BICD1: variants seen among roughly 807,000 people sequenced by gnomAD.
BICD1 encodes the protein BICD cargo adaptor 1.
BICD1 carries 35 observed loss-of-function variants against 92.5 expected under a neutral mutation model. The observed-to-expected ratio is 0.38, with a 90% CI of 0.29 to 0.50. The LOEUF (loss-of-function observed/expected upper bound fraction) is 0.50, where lower values mean the gene tolerates loss of function less well. BICD1 is among the 20% of genes least tolerant of loss of function. BICD1 has a pLI of 0.93. For missense variants in BICD1, 950 were observed against 1,189.8 expected, an observed-to-expected ratio of 0.80 and a Z score of 2.97; for synonymous variants, 429 against 465.1, an observed-to-expected ratio of 0.92 and a Z score of 1.00.
chr12:32,274,919 T>G (rs1176826401), intron 2 of BICD1, among the ~76,000 whole-genome samples: 1 of 152,186 alleles, frequency 6.6e-6, no homozygotes, highest in Non-Finnish European at 1.5e-5. Context: ...ACTCACAGGA[T>G]TGCTATGTAG....
intron 2 of BICD1, among the ~76,000 whole-genome samples, chr12:32,272,718 A>C (rs1947174350): frequency 6.6e-6 from 1 of 152,210 alleles, no homozygotes; most frequent in African/African-American, 2.4e-5. Context: ...CTCAGCTACT[A>C]GTGAGACCTG....
chr12:32,171,644 A>T (rs149204994), intron 1 of BICD1, among the ~76,000 whole-genome samples: 1 of 152,126 alleles, frequency 6.6e-6, no homozygotes, highest in East Asian at 1.9e-4. Flanking sequence ...TTAAAAAATT[A>T]TAAACTAGGC....
chr12:32,299,857 TA>T (rs1228830664), intron 3 of BICD1, among the ~76,000 whole-genome samples: 1 of 152,136 alleles, frequency 6.6e-6, no homozygotes, highest in Non-Finnish European at 1.5e-5. Flanking sequence ...TACTGAATTT[TA>T]AACTCTGCAG....
chr12:32,377,681 G>A lies in BICD1; in HGVS notation c.*54G>A. 1 of 1,452,472 alleles carries A rather than the reference G, an allele frequency of 6.9e-7. No individual in the cohort carries two copies. The allele number at this position is 1,452,472 out of a possible 1,614,324, so 90.0% of individuals were successfully genotyped here. A position where few individuals can be genotyped will look rare whatever the true frequency, so the allele number is the denominator to read the frequency against. ...GGTGGAAGTTTTGTAGCCACACACAGGATACTGCCCAAGATCCAGCGGGTG... is the reference window on the plus strand; with the variant it reads ...GGTGGAAGTTTTGTAGCCACACACAAGATACTGCCCAAGATCCAGCGGGTG... On this transcript the variant is annotated 3_prime_UTR_variant, in exon 10 of 10. Coordinates refer to ENST00000652176, the MANE Select transcript of BICD1 (RefSeq NM_001714.4).
chr12:32,146,801 T>TCCTCCTTTCCTC (rs954544322), intron 1 of BICD1, among the ~76,000 whole-genome samples: 4 of 124,482 alleles, frequency 3.2e-5, no homozygotes, highest in African/African-American at 1.3e-4. Flanking sequence ...CTTTCTCCCT[T>TCCTCCTTTCCTC]CCTCCTTTCC....
intron 6 of BICD1, 56 bp downstream of exon 6, chr12:32,334,723 A>C: frequency 6.4e-7 from 1 of 1,553,518 alleles, no homozygotes; most frequent in Admixed American, 1.9e-5. Flanking sequence ...AGGCTTTAAA[A>C]TTCACAGCCC....
chr12:32,245,828 G>C lies in BICD1; in HGVS notation c.426+29369G>C, dbSNP rs186162429. 3.2e-3 allele frequency among the ~76,000 whole-genome samples: 482 copies of C among 151,638 alleles called. 1 individual carries two copies. The highest frequency in any genetic ancestry group is 6.8e-3 in the Middle Eastern group (2 of 294). ...GCGGATTGTCTGAGGTCAGGAGTTC[G>C]AGACCAGTCTGGCCAACATAGTGAA... On this transcript the variant is annotated intron_variant, in intron 2 of 9. Coordinates refer to ENST00000652176, the MANE Select transcript of BICD1 (RefSeq NM_001714.4).
At chr12:32,118,499 A>G (rs1942031323) in intron 1 of BICD1, among the ~76,000 whole-genome samples, 1 of 152,230 alleles carries the variant, frequency 6.6e-6, no homozygotes, top group African/African-American at 2.4e-5. Context: ...TTGCATCGGT[A>G]CTAAACGTAT....
In BICD1 at chr12:32,132,819, T is replaced by A. The variant is rs192864846; in HGVS notation, c.213+25275T>A. On this transcript the variant is annotated intron_variant, in intron 1 of 9. Transcript: ENST00000652176. ...CATACATGTTTTTAAAAGATCACTC[T>A]GGTTATTCCTTGCAGACAGTGGAAG... Among the ~76,000 whole-genome samples the A allele has an allele frequency of 2.0e-5, 3 of 152,308 alleles. No individual in the cohort carries two copies. The East Asian group carries it at 5.8e-4, about 29-fold the overall frequency.
intron 1 of BICD1, among the ~76,000 whole-genome samples, chr12:32,164,635 AT>A (rs1592399972): frequency 6.6e-6 from 1 of 152,226 alleles, no homozygotes; most frequent in East Asian, 1.9e-4. Context: ...AAAGCCAAAT[AT>A]AACCTGTCCC....
At chr12:32,333,944 T>G (rs1268676288) in intron 5 of BICD1, among the ~76,000 whole-genome samples, 1 of 152,256 alleles carries the variant, frequency 6.6e-6, no homozygotes, top group African/African-American at 2.4e-5. Context: ...GTATGCAAAT[T>G]AGAAAGTAAT....
intron 1 of BICD1, among the ~76,000 whole-genome samples, chr12:32,189,965 C>T (rs1220267760): frequency 6.6e-6 from 1 of 152,152 alleles, no homozygotes; most frequent in African/African-American, 2.4e-5. Flanking sequence ...TCCCAAAGTG[C>T]TGGGATTACA....
At position 32,383,229 on chromosome 12, in the gene BICD1, A is replaced by C. The variant is rs1940246449; in HGVS notation, c.*5602A>C. 6.6e-6 allele frequency: 1 copy of C among 152,124 alleles called. No individual in the cohort carries two copies. Among genetic ancestry groups the C allele is most frequent in the Non-Finnish European group, 1.5e-5 (1 of 67,958 alleles). The allele number at this position is 152,124 out of a possible 1,614,324, so 9.4% of individuals were successfully genotyped here. On this transcript the variant is annotated 3_prime_UTR_variant, in exon 10 of 10. Transcript: ENST00000652176. ...TGCCTTTTGGGGTTAAATGATGTGA[A>C]GTGTTTCCACCTACTGATAAATACC... is the stretch of plus-strand genomic sequence containing the variant.
At chr12:32,329,165 C>T (rs958031565) in intron 5 of BICD1, among the ~76,000 whole-genome samples, 5 of 151,958 alleles carry the variant, frequency 3.3e-5, no homozygotes, top group African/African-American at 9.7e-5. Context: ...AGTGCACTGG[C>T]GCCATCTCTG....
rs549451144 is a variant in BICD1, at chr12:32,355,663, G to A, written c.2765-12007G>A. On this transcript the variant is annotated intron_variant, in intron 8 of 9. Transcript: ENST00000652176. ...CTAAAAATACAAAAATTAGCTGGGC[G>A]TGGTAGCATGCACGTGTAATCCCAG... is the stretch of plus-strand genomic sequence containing the variant. Among the ~76,000 whole-genome samples the A allele has an allele frequency of 3.3e-5, 5 of 152,146 alleles. No homozygotes were observed. The South Asian group carries it at 6.2e-4, about 19-fold the overall frequency.
intron 1 of BICD1, among the ~76,000 whole-genome samples, chr12:32,122,666 C>T (rs1247882776): frequency 6.6e-6 from 1 of 151,950 alleles, no homozygotes; most frequent in African/African-American, 2.4e-5. Flanking sequence ...GTGCTTGAGA[C>T]AATACAAGCA....
chr12:32,303,888 CAT>C (rs1020763122), intron 3 of BICD1, among the ~76,000 whole-genome samples: 15 of 152,152 alleles, frequency 9.9e-5, no homozygotes, highest in Non-Finnish European at 2.9e-5. Flanking sequence ...TCCTAGCTAA[CAT>C]GGTGAAACCC....
chr12:32,328,088 C>T lies in BICD1; in HGVS notation c.1633C>T (p.Arg545Cys), dbSNP rs1223369923. The T allele has an allele frequency of 4.3e-6, 7 of 1,614,098 alleles. No individual in the cohort carries two copies. The highest frequency in any genetic ancestry group is 1.3e-5 in the African/African-American group (1 of 75,028). ...LDYYRQSRVT[R>C]SGSLKGPDDP... Reference sequence around the variant, plus strand: ...TTACTATAGGCAGAGCAGAGTCACCCGCAGTGGCAGCCTGAAAGGGCCCGA... The same window carrying T: ...TTACTATAGGCAGAGCAGAGTCACCTGCAGTGGCAGCCTGAAAGGGCCCGA... The change falls in exon 5 of 10, where the codon CGC becomes TGC. Residue 545 changes from arginine to cysteine, a missense_variant. By Grantham distance (180) the Arg-to-Cys change is radical. Around this residue, in one of 5 missense-constraint regions of BICD1, gnomAD observed 309 missense variants for 499.4 expected, o/e 0.62. Transcript: ENST00000652176. The surrounding 1 kb of genome is among the most constrained non-coding windows in gnomAD (Gnocchi z 4.4).
chr12:32,263,017 G>A (rs760367456), intron 2 of BICD1, among the ~76,000 whole-genome samples: 67 of 151,560 alleles, frequency 4.4e-4, no homozygotes, highest in Non-Finnish European at 9.4e-4. Context: ...GGTGGTGCAC[G>A]CCTGTAGTCC....
Sources: gnomAD v4.1 joint callset for allele counts (sites outside exome capture counted in the v4.1 genomes callset) on GRCh38, gnomAD v4.1.1 for gene constraint, gnomAD v4.1.1 regional missense constraint, Gnocchi (gnomAD v3.1) non-coding constraint, MANE v1.5 for transcripts, NCBI Gene and HGNC (gene_info 2026-07-23, HGNC 2026-07-21) for gene names.